Variants in HERC6 observed in about 807,000 individuals in gnomAD.
HERC6 encodes probable E3 ubiquitin-protein ligase HERC6.
HERC6 carries 101 observed loss-of-function variants against 114.5 expected under a neutral mutation model. The observed-to-expected ratio is 0.88, with a 90% CI of 0.75 to 1.04. The LOEUF (loss-of-function observed/expected upper bound fraction) is 1.04. Ranked by LOEUF, HERC6 falls within the 50% of genes least tolerant of loss-of-function variation. The probability of loss-of-function intolerance (pLI) is 0.00; values close to 1 mark genes in which losing one functional copy is unlikely to be tolerated. For missense variants in HERC6, 1,133 were observed against 1,230.9 expected, an observed-to-expected ratio of 0.92 and a Z score of 1.19; for synonymous variants, 408 against 436.2, an observed-to-expected ratio of 0.94 and a Z score of 0.81.
intron 15 of HERC6, among the ~76,000 whole-genome samples, chr4:88,428,375 C>T (rs1243254099): frequency 6.6e-6 from 1 of 152,136 alleles, no homozygotes; most frequent in Admixed American, 6.5e-5. Flanking sequence ...TCCTAGGTAA[C>T]CATAGTTTCT....
At chr4:88,428,805 T>A in intron 16 of HERC6, 55 bp downstream of exon 16, 2 of 1,374,266 alleles carry the variant, frequency 1.5e-6, no homozygotes, top group Non-Finnish European at 1.9e-6. Context: ...GATGCATTCA[T>A]ATGATGTAAC....
intron 5 of HERC6, among the ~76,000 whole-genome samples, chr4:88,395,313 C>A (rs908624467): frequency 6.6e-6 from 1 of 152,116 alleles, no homozygotes; most frequent in Admixed American, 6.6e-5. Context: ...GGAAAATGCT[C>A]AAATAAATTC....
chr4:88,389,302 G>T (rs1734768701), intron 3 of HERC6, among the ~76,000 whole-genome samples: 1 of 152,200 alleles, frequency 6.6e-6, no homozygotes, highest in Non-Finnish European at 1.5e-5. Flanking sequence ...CATTGAGTGA[G>T]ACAGCAAGCT....
intron 6 of HERC6, among the ~76,000 whole-genome samples, 200 bp from the exon 7 acceptor site, chr4:88,396,651 T>C (rs1035001291): frequency 1.3e-5 from 2 of 152,318 alleles, no homozygotes; most frequent in East Asian, 1.9e-4. Context: ...TTAAGATTAG[T>C]AGTAAGTTAA....
chr4:88,403,716 T>C (rs1417304548), intron 8 of HERC6, among the ~76,000 whole-genome samples: 2 of 151,942 alleles, frequency 1.3e-5, no homozygotes, highest in African/African-American at 2.4e-5. Context: ...ATCATGCCAC[T>C]GCACTCCAGC....
At chr4:88,437,060 CT>C (rs545282245) in intron 19 of HERC6, 89 bp downstream of exon 19, 51,315 of 713,950 alleles carry the variant, frequency 0.072, no homozygotes, top group South Asian at 0.095. Flanking sequence ...TTTGGGATCC[CT>C]TTTTTTTTTT....
chr4:88,427,508 C>T (rs1578417780), intron 15 of HERC6, among the ~76,000 whole-genome samples: 1 of 152,152 alleles, frequency 6.6e-6, no homozygotes, highest in East Asian at 1.9e-4. Context: ...AGAGATGGAA[C>T]TTGTTCCTTT....
chr4:88,380,859 C>T (rs1405609533), intron 1 of HERC6, among the ~76,000 whole-genome samples: 1 of 151,846 alleles, frequency 6.6e-6, no homozygotes, highest in Non-Finnish European at 1.5e-5. Flanking sequence ...GCATTTTCTC[C>T]TTGTCTACTT....
intron 8 of HERC6, among the ~76,000 whole-genome samples, chr4:88,400,482 C>A (rs977227139): frequency 1.1e-4 from 17 of 152,212 alleles, no homozygotes; most frequent in African/African-American, 4.1e-4. Context: ...CAGGTGTATA[C>A]CACCGTGCCT....
rs188634786 is a variant in HERC6 at position 88,418,491 on chromosome 4, T to G, written c.1713+912T>G. The stretch of plus-strand genomic sequence containing the variant: ...TCTGTGCTGCCTCCCATCTCTAAAC[T>G]GCTTTTAAGCGAATTTTCTGGCTCA... On this transcript the variant is annotated intron_variant, in intron 13 of 22. Transcript: ENST00000264346. Among the ~76,000 whole-genome samples, 31 of 152,288 alleles carry G rather than the reference T, an allele frequency of 2.0e-4. No homozygotes were observed. The East Asian group carries it at 2.9e-3, about 14-fold the overall frequency.
chr4:88,411,096 C>A lies in HERC6; in HGVS notation c.1369-1981C>A, dbSNP rs1474614577. Among the ~76,000 whole-genome samples the A allele has an allele frequency of 3.3e-5, 5 of 151,964 alleles. 1 individual carries two copies. The highest frequency in any genetic ancestry group is 7.4e-5 in the Non-Finnish European group (5 of 67,980). On this transcript the variant is annotated intron_variant, in intron 11 of 22. Coordinates refer to ENST00000264346, the MANE Select transcript of HERC6 (RefSeq NM_017912.4). ...GGTCCTTATACTTGGAAGGGACAGG[C>A]GGAAAGTGTTCCTTAATGTGTAGTA...
chr4:88,423,116 ACGCAGT>A (rs1254606726), intron 13 of HERC6, among the ~76,000 whole-genome samples: 6 of 149,980 alleles, frequency 4.0e-5, no homozygotes, highest in Admixed American at 4.0e-4. Context: ...TTTTTTAAAG[ACGCAGT>A]CTTTTCATTT....
chr4:88,435,932 G>C (rs770849139), intron 18 of HERC6, 41 bp downstream of exon 18: 2 of 1,453,934 alleles, frequency 1.4e-6, no homozygotes, highest in Non-Finnish European at 1.8e-6. Flanking sequence ...TATCTAGTAA[G>C]TCTCAGTTGT....
chr4:88,426,169 A>G (rs1737589863), intron 15 of HERC6, among the ~76,000 whole-genome samples: 1 of 151,806 alleles, frequency 6.6e-6, no homozygotes, highest in Admixed American at 6.6e-5. Context: ...TCTAGTTCCT[A>G]TTATTATTAT....
intron 3 of HERC6, among the ~76,000 whole-genome samples, chr4:88,385,930 A>G (rs1734553400): frequency 6.6e-6 from 1 of 152,214 alleles, no homozygotes; most frequent in Admixed American, 6.5e-5. Context: ...AAGAGAAGTC[A>G]AGGTGTCAAA....
chr4:88,408,156 T>G (rs576097515), intron 10 of HERC6, among the ~76,000 whole-genome samples: 1 of 152,228 alleles, frequency 6.6e-6, no homozygotes, highest in East Asian at 1.9e-4. Context: ...ACAGTGGAAT[T>G]GCAAAGTTCT....
At chr4:88,405,461 C>A in intron 9 of HERC6, 93 bp from the exon 10 acceptor site, 1 of 567,498 alleles carries the variant, frequency 1.8e-6, no homozygotes, top group South Asian at 3.5e-5. Context: ...ATAATTATTC[C>A]ACGTCATCAT....
chr4:88,401,674 T>C (rs1735554913), intron 8 of HERC6, among the ~76,000 whole-genome samples: 1 of 152,126 alleles, frequency 6.6e-6, no homozygotes, highest in South Asian at 2.1e-4. Context: ...AGGTGATTAG[T>C]TCTTGCTTAA....
At chr4:88,411,735 CA>C (rs1736115939) in intron 11 of HERC6, among the ~76,000 whole-genome samples, 1 of 152,176 alleles carries the variant, frequency 6.6e-6, no homozygotes, top group East Asian at 1.9e-4. Flanking sequence ...CACCTTTGCA[CA>C]GGTTCATTCA....
Sources: allele counts gnomAD v4.1 joint callset (sites outside exome capture counted in the v4.1 genomes callset), GRCh38; gene constraint gnomAD v4.1.1; transcripts MANE v1.5; gene names NCBI Gene and HGNC (gene_info 2026-07-23, HGNC 2026-07-21).